Variants in ICA1L observed in about 807,000 individuals in gnomAD.
ICA1L encodes the protein islet cell autoantigen 1 like.
In ICA1L, 50 loss-of-function variants were observed where a neutral mutation model predicts 61.3. The ratio of observed to expected loss-of-function variants is 0.82; its 90% CI spans 0.65 to 1.03. ICA1L has a LOEUF of 1.03. Among genes scored for constraint, ICA1L ranks in the 50% least tolerant of loss-of-function variants. ICA1L has a pLI of 0.00. For missense variants in ICA1L, 508 were observed against 556.7 expected (o/e 0.91, Z 0.88); for synonymous variants, 161 against 191.3 (o/e 0.84, Z 1.31).
chr2:202,822,498 G>C (rs923560890), intron 3 of ICA1L, among the ~76,000 whole-genome samples: 5 of 151,918 alleles, frequency 3.3e-5, no homozygotes, highest in African/African-American at 1.2e-4. Context: ...TTTTACAAAG[G>C]TATCAGTTTA....
At chr2:202,794,899 G>A (rs559267020) in intron 10 of ICA1L, among the ~76,000 whole-genome samples, 1 of 151,536 alleles carries the variant, frequency 6.6e-6, no homozygotes, top group South Asian at 2.1e-4. Context: ...CAACCTGTCA[G>A]TTTTCACATT....
intron 1 of ICA1L, among the ~76,000 whole-genome samples, chr2:202,852,252 G>A (rs868300783): frequency 6.6e-6 from 1 of 152,120 alleles, no homozygotes; most frequent in South Asian, 2.1e-4. Context: ...ACAATCCTTT[G>A]GGTATATACC....
rs1692136207 is a variant in ICA1L, at chr2:202,774,024, A to G, written c.*5509T>C. ...GCTGTTTTATTTTTTTAAATTATGA[A>G]CTAGCGCTGCTCCACTTCTTGCTTC... On this transcript the variant is annotated 3_prime_UTR_variant, in exon 13 of 13. Transcript: ENST00000358299. 1.1e-6 allele frequency: 1 copy of G among 873,062 alleles called. No homozygotes were observed. 54.1% of individuals were successfully genotyped at this position (873,062 alleles called of 1,614,324 possible).
intron 1 of ICA1L, chr2:202,841,276 G>A (rs1694322430): frequency 4.1e-6 from 3 of 738,778 alleles, no homozygotes; most frequent in Admixed American, 1.7e-5. Context: ...ACCAGCCCTG[G>A]CATGTTGCCA....
chr2:202,836,660 C>G (rs2105867127), intron 1 of ICA1L, among the ~76,000 whole-genome samples: 1 of 152,036 alleles, frequency 6.6e-6, no homozygotes, highest in East Asian at 1.9e-4. Context: ...CTTCTTATTA[C>G]TGATTCAATC....
In ICA1L at chr2:202,863,993, A is replaced by T. The variant is rs75761669; in HGVS notation, c.-8+7626T>A. ...AACTTACCAAAAACTAACACAAGAA[A>T]GAATCATCCATATTATCTTATACTC... is the stretch of plus-strand genomic sequence containing the variant. On this transcript the variant is annotated intron_variant, in intron 1 of 12. Coordinates refer to ENST00000358299, the MANE Select transcript of ICA1L (RefSeq NM_001288622.3). 4.9e-4 allele frequency among the ~76,000 whole-genome samples: 74 copies of T among 152,336 alleles called. 1 individual carries two copies. In the East Asian group the frequency reaches 0.014, roughly 29 times the overall value.
At chr2:202,814,240 G>A (rs1296506784) in intron 8 of ICA1L, among the ~76,000 whole-genome samples, 2 of 152,136 alleles carry the variant, frequency 1.3e-5, no homozygotes, top group African/African-American at 4.8e-5. Flanking sequence ...TGGGTCATTG[G>A]GGCAGATCTC....
chr2:202,817,090 T>C (rs1048406700), intron 6 of ICA1L, among the ~76,000 whole-genome samples: 3 of 152,184 alleles, frequency 2.0e-5, no homozygotes, highest in African/African-American at 4.8e-5. Context: ...AAATTGTATG[T>C]AGAACTTCAA....
intron 5 of ICA1L, among the ~76,000 whole-genome samples, chr2:202,818,650 C>T (rs555727849): frequency 1.5e-4 from 23 of 152,004 alleles, no homozygotes; most frequent in South Asian, 1.0e-3. Context: ...ATAAGTCTCA[C>T]GAGATCTGAT....
chr2:202,825,863 T>C (rs1466473932), intron 2 of ICA1L, 96 bp from the exon 3 acceptor site: 1 of 670,872 alleles, frequency 1.5e-6, no homozygotes, highest in Non-Finnish European at 2.2e-6. Context: ...CTAAGTATTA[T>C]GTCTGTTTTA....
intron 1 of ICA1L, among the ~76,000 whole-genome samples, chr2:202,864,891 T>G (rs1006518042): frequency 7.2e-5 from 11 of 152,056 alleles, no homozygotes; most frequent in East Asian, 1.9e-4. Context: ...TGGCTGGGCA[T>G]GGAGGCTCAT....
intron 1 of ICA1L, among the ~76,000 whole-genome samples, chr2:202,833,350 G>C (rs182750869): frequency 6.6e-6 from 1 of 152,186 alleles, no homozygotes; most frequent in African/African-American, 2.4e-5. Flanking sequence ...GGGAGGCTGT[G>C]GGGGAGGATC....
At chr2:202,870,554 G>A (rs562164050) in intron 1 of ICA1L, 1 of 152,204 alleles carries the variant, frequency 6.6e-6, no homozygotes, top group Non-Finnish European at 1.5e-5. Context: ...TACTCGGCCA[G>A]TAAATGTATA....
Position 202,799,046 on chromosome 2 carries a change from C to G in ICA1L, c.911-2082G>C, listed in dbSNP as rs146278377. On this transcript the variant is annotated intron_variant, in intron 9 of 12. Transcript: ENST00000358299. ...CATTGATGGACACTTAGGGTTGATT[C>G]TATATCCTTGCTATTATGAATACTA... Among the ~76,000 whole-genome samples the G allele has an allele frequency of 3.2e-3, 490 of 152,234 alleles. 1 individual carries two copies. The highest frequency in any genetic ancestry group is 5.8e-3 in the Non-Finnish European group (393 of 68,012).
At chr2:202,829,039 A>G in intron 1 of ICA1L, 23 bp from the exon 2 acceptor site, 1 of 1,512,920 alleles carries the variant, frequency 6.6e-7, no homozygotes, top group Non-Finnish European at 8.8e-7. Flanking sequence ...GACTAAAATT[A>G]AACTTCTTTT....
chr2:202,851,520 T>C (rs1400618187), intron 1 of ICA1L, among the ~76,000 whole-genome samples: 1 of 152,214 alleles, frequency 6.6e-6, no homozygotes, highest in East Asian at 1.9e-4. Flanking sequence ...CCTTTGGGTA[T>C]ATACCCAGTA....
At chr2:202,868,692 C>T (rs929780934) in intron 1 of ICA1L, among the ~76,000 whole-genome samples, 17 of 152,122 alleles carry the variant, frequency 1.1e-4, no homozygotes, top group African/African-American at 4.1e-4. Context: ...TAAGGCCGGG[C>T]GCGGTGGCTC....
At chr2:202,840,019 G>T (rs1157786883) in intron 1 of ICA1L, among the ~76,000 whole-genome samples, 4 of 130,906 alleles carry the variant, frequency 3.1e-5, no homozygotes, top group Non-Finnish European at 3.2e-5. Flanking sequence ...TTTTTATATT[G>T]TATATCCCTT....
intron 1 of ICA1L, among the ~76,000 whole-genome samples, chr2:202,830,239 C>A (rs576301622): frequency 1.3e-5 from 2 of 152,074 alleles, no homozygotes; most frequent in African/African-American, 2.4e-5. Flanking sequence ...GAAACCCTGT[C>A]TCTACTAAAA....
Sources: allele counts gnomAD v4.1 joint callset (sites outside exome capture counted in the v4.1 genomes callset), GRCh38; gene constraint gnomAD v4.1.1; transcripts MANE v1.5; gene names NCBI Gene and HGNC (gene_info 2026-07-23, HGNC 2026-07-21).